The following SLC25A22 variants were observed in gnomAD, a reference collection of about 807,000 sequenced individuals.
SLC25A22 encodes mitochondrial glutamate carrier 1.
SLC25A22 carries 23 observed loss-of-function variants against 33.7 expected under a neutral mutation model. The observed-to-expected ratio is 0.68, with a 90% CI of 0.49 to 0.97. The LOEUF (loss-of-function observed/expected upper bound fraction) is 0.97, where lower values mean the gene tolerates loss of function less well. Among genes scored for constraint, SLC25A22 ranks in the 50% least tolerant of loss-of-function variants. The pLI is 0.00. For synonymous variants in SLC25A22, 245 were observed against 203.8 expected (o/e 1.20, Z -1.72); for missense variants, 390 against 451.1 (o/e 0.86, Z 1.23).
intron 2 of SLC25A22, 42 bp downstream of exon 2, chr11:794,945 T>G (rs1362334014): frequency 6.4e-7 from 1 of 1,562,968 alleles, no homozygotes. Flanking sequence ...TGACCATGGG[T>G]CAGGGTGGGG....
In SLC25A22 at chr11:792,617, G is replaced by A. The variant is rs748985316; in HGVS notation, c.523C>T (p.Arg175Cys). 1.4e-5 allele frequency: 22 copies of A among 1,603,842 alleles called. No individual in the cohort carries two copies. In the South Asian group the frequency reaches 1.6e-4, roughly 11 times the overall value. The change falls in exon 7 of 10, where the codon CGC becomes TGC. Residue 175 changes from arginine to cysteine, a missense_variant. Arg to Cys is a radical substitution (Grantham distance 180). Transcript: ENST00000628067. ...ATGCCACGGCTCCGCAGCAGGTCGC[G>A]GGTCAGCTGGGTGGCCGTGGGCCGA... ...APRPTATQLT[R>C]DLLRSRGIAG...
intron 1 of SLC25A22, 44 bp from the exon 2 acceptor site, chr11:795,213 C>G: frequency 1.4e-6 from 1 of 690,820 alleles, no homozygotes; most frequent in Admixed American, 2.1e-5. Flanking sequence ...TGGGGCCACC[C>G]GAAGAGTAAT....
chr11:794,398 C>T (rs1387948674), intron 4 of SLC25A22, 60 bp downstream of exon 4: 1 of 1,584,514 alleles, frequency 6.3e-7, no homozygotes, highest in Non-Finnish European at 8.6e-7. Flanking sequence ...CGCTCCCTGC[C>T]ACGACTCGCG....
Position 791,752 on chromosome 11 carries a change from T to C in SLC25A22, c.*163A>G. ...CGGTGCAGGCAGCACCCCGGGGGGC[T>C]TGCGTGTGCACCACCTATGTGGACC... On this transcript the variant is annotated 3_prime_UTR_variant, in exon 10 of 10. Coordinates refer to ENST00000628067, the MANE Select transcript of SLC25A22 (RefSeq NM_001191061.2). The C allele has an allele frequency of 4.3e-6, 4 of 928,034 alleles. No individual in the cohort carries two copies. The highest frequency in any genetic ancestry group is 4.7e-6 in the Non-Finnish European group (3 of 636,540). 57.5% of individuals were successfully genotyped at this position (928,034 alleles called of 1,614,324 possible). A position where few individuals can be genotyped will look rare whatever the true frequency, so the allele number is the denominator to read the frequency against.
At chr11:797,983 G>A (rs1383257345) in intron 1 of SLC25A22, 3 of 398,328 alleles carry the variant, frequency 7.5e-6, no homozygotes, top group Non-Finnish European at 1.3e-5. Context: ...CCCACCCTCG[G>A]GGACACGTAT....
intron 6 of SLC25A22, 61 bp downstream of exon 6, chr11:792,809 T>G: frequency 8.9e-6 from 8 of 895,684 alleles, no homozygotes; most frequent in Non-Finnish European, 1.3e-5. Flanking sequence ...GTCCCCACCC[T>G]CCCCTCGCCC....
Position 791,731 on chromosome 11 carries a change from G to A in SLC25A22, c.*184C>T. 1.4e-6 allele frequency: 1 copy of A among 721,460 alleles called. No individual in the cohort carries two copies. The highest frequency in any genetic ancestry group is 2.2e-6 in the Non-Finnish European group (1 of 448,130). 44.7% of individuals were successfully genotyped at this position (721,460 alleles called of 1,614,324 possible). A position where few individuals can be genotyped will look rare whatever the true frequency, so the allele number is the denominator to read the frequency against. ...TAAATGAGACATTGATCCCAACGGT[G>A]CAGGCAGCACCCCGGGGGGCTTGCG... is the stretch of plus-strand genomic sequence containing the variant. On this transcript the variant is annotated 3_prime_UTR_variant, in exon 10 of 10. Transcript: ENST00000628067.
rs771790676 is a variant in SLC25A22, at chr11:795,864, G to C, written c.-163-695C>G. ...GATGGCTGGCCTTCTGAGGCCCCCT[G>C]TGGCTGGCACCCCCATCCACTACAG... On this transcript the variant is annotated intron_variant, in intron 1 of 9. Transcript: ENST00000628067. Among the ~76,000 whole-genome samples, 6 of 152,008 alleles carry C rather than the reference G, an allele frequency of 3.9e-5. No homozygotes were observed. The East Asian group carries it at 9.7e-4, about 25-fold the overall frequency.
At chr11:793,378 A>G in intron 5 of SLC25A22, 151 bp downstream of exon 5, 1 of 728,920 alleles carries the variant, frequency 1.4e-6, no homozygotes, top group Non-Finnish European at 2.4e-6. Context: ...GGTCAGGGGA[A>G]AGGAGGGAGG....
intron 1 of SLC25A22, chr11:797,579 C>T (rs1165197646): frequency 7.5e-6 from 3 of 398,442 alleles, no homozygotes; most frequent in Non-Finnish European, 1.3e-5. Flanking sequence ...GGGGTAAAAT[C>T]CTCCACCCAA....
At chr11:793,119 GC>G in intron 5 of SLC25A22, 131 bp from the exon 6 acceptor site, 5 of 846,208 alleles carry the variant, frequency 5.9e-6, no homozygotes, top group Non-Finnish European at 7.7e-6. Flanking sequence ...TGGGGGTACA[GC>G]CCCCAGCCTC....
chr11:795,308 G>T (rs1372652267), intron 1 of SLC25A22, 139 bp from the exon 2 acceptor site: 8 of 557,092 alleles, frequency 1.4e-5, no homozygotes, highest in Non-Finnish European at 2.6e-5. Flanking sequence ...GTGCAGCAGC[G>T]GGAGGCACCT....
rs1266633189 is a variant in SLC25A22 at position 794,895 on chromosome 11, T to C, written c.27A>G (p.Pro9=). 6.4e-7 allele frequency: 1 copy of C among 1,564,990 alleles called. No individual in the cohort carries two copies. Residue 9 remains proline (P), a synonymous_variant, in exon 3 of 10, where the codon CCA becomes CCG. Transcript: ENST00000628067. MADKQISL[P]AKLINGGIAG... is the part of the protein sequence containing the mutation. Reference sequence around the variant, plus strand: ...CGATGCCGCCATTGATGAGCTTGGCTGGCAGGCTGTGTGGACAGGGGTGTC... The same window carrying C: ...CGATGCCGCCATTGATGAGCTTGGCCGGCAGGCTGTGTGGACAGGGGTGTC...
intron 1 of SLC25A22, chr11:797,470 C>T (rs1354149903): frequency 1.0e-5 from 4 of 397,212 alleles, no homozygotes; most frequent in African/African-American, 2.1e-5. Context: ...CACTGTCCCC[C>T]CTTCATAGTC....
intron 4 of SLC25A22, 99 bp from the exon 5 acceptor site, chr11:793,718 G>A: frequency 1.3e-5 from 11 of 822,854 alleles, no homozygotes; most frequent in Non-Finnish European, 2.3e-5. Flanking sequence ...CCCTGTCCCA[G>A]TCACTCCTGG....
At chr11:797,609 T>C in intron 1 of SLC25A22, 1 of 398,632 alleles carries the variant, frequency 2.5e-6, no homozygotes. Flanking sequence ...AGGCTCCTCC[T>C]ACCCCCAAGA....
intron 5 of SLC25A22, 162 bp downstream of exon 5, chr11:793,366 CT>C: frequency 1.4e-6 from 1 of 703,422 alleles, no homozygotes; most frequent in Non-Finnish European, 2.5e-6. Context: ...CTTTGCTCCC[CT>C]GGTCAGGGGA....
chr11:793,919 G>A (rs957962695), intron 4 of SLC25A22: 5 of 513,968 alleles, frequency 9.7e-6, no homozygotes, highest in African/African-American at 9.7e-5. Context: ...GCCTCCCTAG[G>A]ATACCTCTCC....
Position 790,547 on chromosome 11 carries a change from A to C in SLC25A22, c.*1368T>G, listed in dbSNP as rs1226014272. The C allele has an allele frequency of 6.6e-6, 1 of 152,236 alleles. No homozygotes were observed. 9.4% of individuals were successfully genotyped at this position (152,236 alleles called of 1,614,324 possible). ...GTTACAACTTCTTAAAACTCTTCAAAAGAAAAAAATATAATTCTGTAAGCA... is the reference window on the plus strand; with the variant it reads ...GTTACAACTTCTTAAAACTCTTCAACAGAAAAAAATATAATTCTGTAAGCA... On this transcript the variant is annotated 3_prime_UTR_variant, in exon 10 of 10. Coordinates refer to ENST00000628067, the MANE Select transcript of SLC25A22 (RefSeq NM_001191061.2).
Sources: gnomAD v4.1 joint callset for allele counts (sites outside exome capture counted in the v4.1 genomes callset) on GRCh38, gnomAD v4.1.1 for gene constraint, MANE v1.5 for transcripts, NCBI Gene and HGNC (gene_info 2026-07-23, HGNC 2026-07-21) for gene names.